Variants in CKMT2 observed in about 807,000 individuals in gnomAD.
CKMT2 encodes the protein creatine kinase, mitochondrial 2, also known as creatine kinase S-type, mitochondrial.
In CKMT2, 43 loss-of-function variants were observed where a neutral mutation model predicts 48.9. That is an observed-to-expected ratio of 0.88 (90% CI 0.69 to 1.13). The LOEUF is 1.13. CKMT2 is among the 50% of genes most tolerant of loss of function. CKMT2 has a pLI of 0.00. For missense variants in CKMT2, 472 were observed against 555.4 expected (o/e 0.85, Z 1.51); for synonymous variants, 206 against 213.0 (o/e 0.97, Z 0.29).
intron 9 of CKMT2, among the ~76,000 whole-genome samples, chr5:81,265,576 A>C (rs540874313): frequency 8.5e-5 from 13 of 152,320 alleles, no homozygotes; most frequent in Non-Finnish European, 1.9e-4. Context: ...TTGGAAACCA[A>C]AGTTCTATAC....
In CKMT2 at chr5:81,255,001, A is replaced by T. The variant is rs1445178049; in HGVS notation, c.456A>T (p.Gln152His). ...CACAGTCTGCTTGGCAGATCACCCAAGGGCAGTTCGACGAGCATTACGTGC... is the reference window on the plus strand; with the variant it reads ...CACAGTCTGCTTGGCAGATCACCCATGGGCAGTTCGACGAGCATTACGTGC... ...TTDLDASKIT[Q>H]GQFDEHYVLS... Residue 152 changes from glutamine to histidine, a missense_variant, in exon 5 of 10, where the codon CAA (glutamine) becomes CAT (histidine). By Grantham distance (24) the Gln-to-His change is conservative. Transcript: ENST00000254035. 34 of 1,613,644 alleles carry T rather than the reference A, an allele frequency of 2.1e-5. No homozygotes were observed. The highest frequency in any genetic ancestry group is 2.9e-5 in the Non-Finnish European group (34 of 1,179,880).
In CKMT2 at chr5:81,252,788, C is replaced by T. The variant is rs1210153661; in HGVS notation, c.246C>T (p.Pro82=). The part of the protein sequence containing the change: ...IYAKLRNKVT[P]NGYTLDQCIQ... ...CCAAGCTTCGCAACAAGGTGACACC[C>T]AACGGCTACACGCTGGACCAGTGCA... The change falls in exon 3 of 10, where the codon CCC becomes CCT. Residue 82 remains proline (P), a synonymous_variant. Transcript: ENST00000254035. 2 of 1,614,248 alleles carry T rather than the reference C, an allele frequency of 1.2e-6. No homozygotes were observed. Among genetic ancestry groups the T allele is most frequent in the South Asian group, 1.1e-5 (1 of 91,084 alleles).
intron 1 of CKMT2, among the ~76,000 whole-genome samples, chr5:81,236,473 G>A (rs1379123895): frequency 6.6e-6 from 1 of 152,158 alleles, no homozygotes; most frequent in African/African-American, 2.4e-5. Context: ...CCAAAATAAA[G>A]CATACTTGGC....
chr5:81,259,715 C>T (rs555889665), intron 8 of CKMT2, among the ~76,000 whole-genome samples: 1 of 152,308 alleles, frequency 6.6e-6, no homozygotes, highest in African/African-American at 2.4e-5. Flanking sequence ...TGGAGGAACG[C>T]TGTCTTAGAG....
intron 1 of CKMT2, chr5:81,237,670 G>C (rs1756288551): frequency 6.6e-6 from 1 of 152,088 alleles, no homozygotes; most frequent in Admixed American, 6.5e-5. Context: ...CCTTCTCCGA[G>C]TCCGTTACTC....
At chr5:81,265,325 T>A (rs1017204370) in intron 9 of CKMT2, among the ~76,000 whole-genome samples, 22 of 152,200 alleles carry the variant, frequency 1.4e-4, no homozygotes, top group African/African-American at 5.3e-4. Flanking sequence ...CTAAGTTTCC[T>A]TATGCATATA....
intron 5 of CKMT2, 43 bp from the exon 6 acceptor site, chr5:81,256,872 C>T (rs1476504411): frequency 2.1e-6 from 3 of 1,427,442 alleles, no homozygotes; most frequent in Non-Finnish European, 2.9e-6. Flanking sequence ...CCTGTTTGAT[C>T]TCATCAGTCT....
rs746960853 is a variant in CKMT2 at position 81,257,804 on chromosome 5, AAGG to A, written c.831_833del (p.Gly278del). 3 of 1,613,698 alleles carry A rather than the reference AAGG, an allele frequency of 1.9e-6. No individual in the cohort carries two copies. The African/African-American group carries it at 4.0e-5, about 22-fold the overall frequency. The stretch of plus-strand genomic sequence containing the variant: ...CACACCAGGGTAATCTCAATGGAAA[AAGG>A]AGGCAATATGAAACGAGTATTTGAG... On this transcript the variant is annotated inframe_deletion, in exon 7 of 10. Coordinates refer to ENST00000254035, the MANE Select transcript of CKMT2 (RefSeq NM_001099735.2).
chr5:81,252,257 GACATTTAGTGT>G (rs1756842525), intron 2 of CKMT2: 1 of 199,740 alleles, frequency 5.0e-6, no homozygotes, highest in East Asian at 1.4e-4. Context: ...GTGTCTCTGA[GACATTTAGTGT>G]CTCTTATGAA....
rs1757303537 is a variant in CKMT2, at chr5:81,263,633, T to C, written c.1140+17T>C. 1 of 1,592,648 alleles carries C rather than the reference T, an allele frequency of 6.3e-7. No homozygotes were observed. Among genetic ancestry groups the C allele is most frequent in the Non-Finnish European group, 8.6e-7 (1 of 1,166,946 alleles). ...CGATCAGAGGTAACGTCTCTCTCAC[T>C]TTCCTAACATGAACTAACAAAATCA... On this transcript the variant is annotated intron_variant, in intron 9 of 9. Transcript: ENST00000254035.
chr5:81,239,144 T>A (rs542053196), intron 1 of CKMT2: 2 of 152,258 alleles, frequency 1.3e-5, no homozygotes, highest in Admixed American at 1.3e-4. Flanking sequence ...TCCATTTCTG[T>A]TCTAGACTCC....
chr5:81,252,971 T>G, intron 3 of CKMT2, 78 bp downstream of exon 3: 1 of 1,509,282 alleles, frequency 6.6e-7, no homozygotes, highest in Non-Finnish European at 9.2e-7. Flanking sequence ...TGGGGTCCTT[T>G]TCTTCTCTAT....
intron 1 of CKMT2, among the ~76,000 whole-genome samples, chr5:81,248,370 C>T (rs1756681645): frequency 6.6e-6 from 1 of 152,238 alleles, no homozygotes; most frequent in African/African-American, 2.4e-5. Flanking sequence ...GTGAGTTCTA[C>T]AGTAAACCTC....
chr5:81,257,129 G>T, intron 6 of CKMT2, 129 bp downstream of exon 6: 1 of 641,318 alleles, frequency 1.6e-6, no homozygotes, highest in South Asian at 2.0e-5. Context: ...AATGGAAAAA[G>T]ACTACTTGGA....
intron 1 of CKMT2, among the ~76,000 whole-genome samples, chr5:81,248,416 T>TG (rs1032956381): frequency 1.3e-5 from 2 of 152,066 alleles, no homozygotes; most frequent in Admixed American, 6.5e-5. Context: ...AGTTAGAAAG[T>TG]GGGTTTGAGG....
chr5:81,235,263 A>G (rs1204158977), intron 1 of CKMT2, among the ~76,000 whole-genome samples: 1 of 152,190 alleles, frequency 6.6e-6, no homozygotes, highest in Non-Finnish European at 1.5e-5. Flanking sequence ...GTGCCCATTA[A>G]GGTTGGCTGC....
At chr5:81,238,677 T>C (rs1384820858) in intron 1 of CKMT2, 1 of 152,626 alleles carries the variant, frequency 6.6e-6, no homozygotes, top group African/African-American at 2.4e-5. Context: ...CTCCCCTGCC[T>C]CTGCCACTCA....
chr5:81,257,707 C>G (rs200902011), intron 6 of CKMT2, 26 bp from the exon 7 acceptor site: 745 of 1,598,524 alleles, frequency 4.7e-4, no homozygotes, highest in Non-Finnish European at 6.0e-4. Context: ...AATTAACACT[C>G]AGTACCATAT....
chr5:81,259,377 A>T, intron 8 of CKMT2, 123 bp downstream of exon 8: 2 of 901,900 alleles, frequency 2.2e-6, no homozygotes, highest in Non-Finnish European at 1.5e-6. Flanking sequence ...CAATATAAAA[A>T]TAAGAAAAAA....
Sources: allele counts gnomAD v4.1 joint callset (sites outside exome capture counted in the v4.1 genomes callset), GRCh38; gene constraint gnomAD v4.1.1; transcripts MANE v1.5; gene names NCBI Gene and HGNC (gene_info 2026-07-23, HGNC 2026-07-21).